SPAST: variants seen among roughly 807,000 people sequenced by gnomAD.
SPAST encodes spastin.
Under a neutral mutation model 76.6 loss-of-function variants are expected in SPAST, and 30 were observed. The observed-to-expected ratio is 0.39, with a 90% confidence interval of 0.29 to 0.53. The LOEUF (loss-of-function observed/expected upper bound fraction) is 0.53, where lower values mean the gene tolerates loss of function less well. Among genes scored for constraint, SPAST ranks in the 20% least tolerant of loss-of-function variants. The pLI is 0.68. For missense variants in SPAST, 717 were observed against 770.5 expected, an observed-to-expected ratio of 0.93 and a Z score of 0.82; for synonymous variants, 305 against 281.0, an observed-to-expected ratio of 1.09 and a Z score of -0.86.
intron 12 of SPAST, among the ~76,000 whole-genome samples, chr2:32,139,079 C>G (rs1452431888): frequency 6.6e-6 from 1 of 152,130 alleles, no homozygotes; most frequent in East Asian, 1.9e-4. Context: ...GGTTTAAAGT[C>G]AGGTAACGTG....
chr2:32,085,949 G>A (rs933700416), intron 1 of SPAST, among the ~76,000 whole-genome samples: 1 of 151,580 alleles, frequency 6.6e-6, no homozygotes, highest in African/African-American at 2.4e-5. Context: ...GGCTGAGGCA[G>A]GAGAATCGCT....
At position 32,064,155 on chromosome 2, in the gene SPAST, G is replaced by C. The variant is rs750637923; in HGVS notation, c.324G>C (p.Val108=). 27 of 1,556,160 alleles carry C rather than the reference G, an allele frequency of 1.7e-5. No individual in the cohort carries two copies. In the African/African-American group the frequency reaches 3.1e-4, roughly 18 times the overall value. Residue 108 remains valine, a synonymous_variant, in exon 1 of 17, where the codon GTG becomes GTC. Transcript: ENST00000315285. ...APASASAPAP[V]PGGEAERVRV... Reference sequence around the variant, plus strand: ...CCTCGGCCTCGGCCCCGGCGCCGGTGCCGGGCGGCGAGGCCGAGCGCGTCC... The same window carrying C: ...CCTCGGCCTCGGCCCCGGCGCCGGTCCCGGGCGGCGAGGCCGAGCGCGTCC...
intron 4 of SPAST, among the ~76,000 whole-genome samples, chr2:32,109,864 CTATA>C (rs1478496510): frequency 1.2e-5 from 1 of 84,584 alleles, no homozygotes; most frequent in Non-Finnish European, 2.5e-5. Flanking sequence ...AGTTACATAT[CTATA>C]TGCATATACA....
chr2:32,081,888 C>T (rs1303847875), intron 1 of SPAST, among the ~76,000 whole-genome samples: 1 of 150,120 alleles, frequency 6.7e-6, no homozygotes, highest in Non-Finnish European at 1.5e-5. Flanking sequence ...AAATAATAAC[C>T]ATCCTAATGG....
chr2:32,086,459 GT>G (rs1188278307), intron 1 of SPAST, among the ~76,000 whole-genome samples: 22 of 131,426 alleles, frequency 1.7e-4, no homozygotes, highest in African/African-American at 6.2e-4. Flanking sequence ...GCAAGACTCT[GT>G]TTAAAAAAAA....
At chr2:32,083,065 C>T (rs912634861) in intron 1 of SPAST, among the ~76,000 whole-genome samples, 5 of 151,810 alleles carry the variant, frequency 3.3e-5, no homozygotes, top group South Asian at 2.1e-4. Flanking sequence ...TCTGCCTCCC[C>T]GGTTCAAGTG....
In SPAST at chr2:32,064,046, G is replaced by A; in HGVS notation, c.215G>A (p.Gly72Glu). ...CTGCGTTTGGTCGCCTTCCACCTGGGGCTCCTCTTCGTGTGGCTCTGCCAG... is the reference window on the plus strand; with the variant it reads ...CTGCGTTTGGTCGCCTTCCACCTGGAGCTCCTCTTCGTGTGGCTCTGCCAG... ...ALLRLVAFHL[G>E]LLFVWLCQRF... is the part of the protein sequence containing the mutation. The change falls in exon 1 of 17, where the codon GGG becomes GAG. Residue 72 changes from glycine (G) to glutamate (E), a missense_variant. Gly to Glu is a moderately conservative substitution (Grantham distance 98, BLOSUM62 -2). Around this residue, in one of 3 missense-constraint regions of SPAST, gnomAD observed 543 missense variants for 445.2 expected, o/e 1.22. Transcript: ENST00000315285. 2 of 1,613,276 alleles carry A rather than the reference G, an allele frequency of 1.2e-6. No individual in the cohort carries two copies. The highest frequency in any genetic ancestry group is 4.5e-5 in the East Asian group (2 of 44,804).
chr2:32,117,698 A>AT (rs796674642), intron 7 of SPAST, among the ~76,000 whole-genome samples: 1 of 151,808 alleles, frequency 6.6e-6, no homozygotes, highest in African/African-American at 2.4e-5. Flanking sequence ...CACCTGGCTA[A>AT]TTTTTGTGTT....
At chr2:32,088,571 G>C (rs1423053053) in intron 2 of SPAST, among the ~76,000 whole-genome samples, 1 of 152,172 alleles carries the variant, frequency 6.6e-6, no homozygotes, top group Non-Finnish European at 1.5e-5. Context: ...TTGGACCCAG[G>C]AGGCGGAGGT....
At chr2:32,135,951 G>A (rs1326812659) in intron 9 of SPAST, among the ~76,000 whole-genome samples, 7 of 151,894 alleles carry the variant, frequency 4.6e-5, no homozygotes, top group African/African-American at 1.7e-4. Context: ...GGTGGTGGGC[G>A]CCTGTAATCC....
intron 4 of SPAST, among the ~76,000 whole-genome samples, 200 bp from the exon 5 acceptor site, chr2:32,114,438 G>GA (rs922779985): frequency 2.0e-5 from 3 of 152,028 alleles, no homozygotes; most frequent in East Asian, 1.9e-4. Context: ...ACGTTAGGGG[G>GA]AAAAAACCTA....
chr2:32,066,373 G>A (rs759807573), intron 1 of SPAST, among the ~76,000 whole-genome samples: 2 of 152,168 alleles, frequency 1.3e-5, no homozygotes, highest in Non-Finnish European at 1.5e-5. Flanking sequence ...ATGTTTAAGC[G>A]TAGATCATTT....
intron 1 of SPAST, among the ~76,000 whole-genome samples, chr2:32,086,836 A>G (rs933128599): frequency 1.3e-5 from 2 of 152,074 alleles, no homozygotes; most frequent in African/African-American, 4.8e-5. Flanking sequence ...AAAACAAAAA[A>G]TTAATTTTCA....
At chr2:32,134,776 A>G (rs944092329) in intron 9 of SPAST, among the ~76,000 whole-genome samples, 2 of 151,924 alleles carry the variant, frequency 1.3e-5, no homozygotes, top group Admixed American at 6.6e-5. Flanking sequence ...GCTCACTGCA[A>G]CCTCCAACTC....
intron 1 of SPAST, chr2:32,077,969 T>TGTTTG (rs1263993007): frequency 8.0e-6 from 1 of 124,816 alleles, no homozygotes; most frequent in African/African-American, 2.9e-5. Flanking sequence ...TTTCTGTTTT[T>TGTTTG]TTTTTTTGTT....
chr2:32,101,492 T>C (rs1314960708), intron 4 of SPAST, among the ~76,000 whole-genome samples: 1 of 152,230 alleles, frequency 6.6e-6, no homozygotes, highest in East Asian at 1.9e-4. Context: ...CAATTTTGGC[T>C]TTTGTTGCCA....
intron 9 of SPAST, among the ~76,000 whole-genome samples, chr2:32,132,467 C>G (rs979704907): frequency 1.4e-4 from 21 of 151,794 alleles, no homozygotes; most frequent in African/African-American, 4.4e-4. Context: ...CAATTTTTTC[C>G]TTATGTCTAA....
intron 4 of SPAST, among the ~76,000 whole-genome samples, chr2:32,111,708 T>A (rs1287755932): frequency 6.6e-6 from 1 of 151,104 alleles, no homozygotes; most frequent in Non-Finnish European, 1.5e-5. Context: ...CCTCCTTTAG[T>A]AGTTCTTTTA....
rs149216466 is a variant in SPAST, at chr2:32,080,727, A to C, written c.416-6765A>C. 2.7e-3 allele frequency among the ~76,000 whole-genome samples: 415 copies of C among 150,970 alleles called. 6 individuals carry two copies. Among genetic ancestry groups the C allele is most frequent in the East Asian group, 0.02 (104 of 5,140 alleles). On this transcript the variant is annotated intron_variant, in intron 1 of 16. Transcript: ENST00000315285. ...GCTGTAGTTTGCCAACCCCTACATT[A>C]AGGGATTGAAATAATTTGAATATGG...
Sources: gnomAD v4.1 joint callset for allele counts (sites outside exome capture counted in the v4.1 genomes callset) on GRCh38, gnomAD v4.1.1 for gene constraint, gnomAD v4.1.1 regional missense constraint, MANE v1.5 for transcripts, NCBI Gene and HGNC (gene_info 2026-07-23, HGNC 2026-07-21) for gene names.